The following DCT variants were observed in gnomAD, a reference collection of about 807,000 sequenced individuals.
DCT encodes dopachrome tautomerase.
DCT carries 47 observed loss-of-function variants against 53.0 expected under a neutral mutation model. That is an observed-to-expected ratio of 0.89 (90% CI 0.70 to 1.13). The LOEUF is 1.13. Among genes scored for constraint, DCT ranks in the 50% most tolerant of loss-of-function variants. The pLI, the probability that DCT is intolerant of heterozygous loss-of-function variation, is 0.00. For synonymous variants in DCT, 244 were observed against 237.0 expected, an observed-to-expected ratio of 1.03 and a Z score of -0.27; for missense variants, 669 against 637.4, an observed-to-expected ratio of 1.05 and a Z score of -0.53.
At chr13:94,528,298 G>C in the DCT span, among the ~76,000 whole-genome samples, 1 of 152,066 alleles carries the variant, frequency 6.6e-6, no homozygotes, top group African/African-American at 2.4e-5. Flanking sequence ...ACACCACAAA[G>C]ATACTCCCTG....
At chr13:94,471,812 A>C (rs767911502) in intron 1 of DCT, among the ~76,000 whole-genome samples, 5 of 152,192 alleles carry the variant, frequency 3.3e-5, no homozygotes, top group Non-Finnish European at 7.4e-5. Context: ...GCAGTAGAAG[A>C]GTAATTCCTT....
the DCT span, among the ~76,000 whole-genome samples, chr13:94,542,311 C>T: frequency 6.6e-6 from 1 of 152,166 alleles, no homozygotes; most frequent in Admixed American, 6.5e-5. Context: ...ACTTCAGCCT[C>T]CCAAGTAGCT....
rs529750580 is a variant in DCT at position 94,439,847 on chromosome 13, G to A, written c.*51C>T. ...GAGGATTAGTTCCTTTATTGTCAGC[G>A]TCAGAACTGTGGCTTGGCCAGCCTC... On this transcript the variant is annotated 3_prime_UTR_variant, in exon 8 of 8. Transcript: ENST00000377028. The A allele has an allele frequency of 6.9e-5, 98 of 1,413,354 alleles. No homozygotes were observed. Among genetic ancestry groups the A allele is most frequent in the East Asian group, 3.9e-4 (17 of 43,598 alleles). The allele number at this position is 1,413,354 out of a possible 1,614,324, so 87.6% of individuals were successfully genotyped here.
chr13:94,439,394 A>C lies in DCT; in HGVS notation c.*504T>G, dbSNP rs1254239085. 2.0e-5 allele frequency: 3 copies of C among 152,324 alleles called. No homozygotes were observed. The highest frequency in any genetic ancestry group is 7.2e-5 in the African/African-American group (3 of 41,444). The allele number at this position is 152,324 out of a possible 1,614,324, so 9.4% of individuals were successfully genotyped here. On this transcript the variant is annotated 3_prime_UTR_variant, in exon 8 of 8. Transcript: ENST00000377028. ...TAATCAGGAGGGTGCCTAGAAGCAG[A>C]GATGTTTATAGCTAAAAGGGATCTT...
At chr13:94,469,360 T>C (rs1360800955) in intron 1 of DCT, among the ~76,000 whole-genome samples, 1 of 152,208 alleles carries the variant, frequency 6.6e-6, no homozygotes, top group Non-Finnish European at 1.5e-5. Context: ...TTGGAGATAG[T>C]GTCTTTAAAG....
chr13:94,442,117 A>G (rs974289539), intron 7 of DCT, among the ~76,000 whole-genome samples: 3 of 152,018 alleles, frequency 2.0e-5, no homozygotes, highest in African/African-American at 7.3e-5. Flanking sequence ...TCTTTCATAA[A>G]TTTGAACTTA....
At chr13:94,501,263 C>T in the DCT span, among the ~76,000 whole-genome samples, 4 of 151,442 alleles carry the variant, frequency 2.6e-5, no homozygotes, top group South Asian at 2.1e-4. Context: ...AGCAAGACTC[C>T]GTCTCAAATA....
chr13:94,471,758 G>T (rs1055558874), intron 1 of DCT, among the ~76,000 whole-genome samples: 4 of 152,212 alleles, frequency 2.6e-5, no homozygotes, highest in Admixed American at 2.0e-4. Context: ...ATTTCCAGCT[G>T]CCTATCTATA....
the DCT span, among the ~76,000 whole-genome samples, chr13:94,547,773 T>G: frequency 6.6e-6 from 1 of 151,588 alleles, no homozygotes; most frequent in Admixed American, 6.6e-5. Flanking sequence ...GTGGATTACT[T>G]GAGGTCAGAA....
In DCT at chr13:94,458,107, T is replaced by C. The variant is rs372400279; in HGVS notation, c.1179+1984A>G. Among the ~76,000 whole-genome samples the C allele has an allele frequency of 1.6e-4, 24 of 152,238 alleles. No individual in the cohort carries two copies. The East Asian group carries it at 4.6e-3, about 29-fold the overall frequency. The stretch of plus-strand genomic sequence containing the variant: ...GTGACACCCCCTTTCCCGGCTAATA[T>C]GAGCATCTGCTGCTGTTTTACCAAT... On this transcript the variant is annotated intron_variant, in intron 6 of 7. Coordinates refer to ENST00000377028, the MANE Select transcript of DCT (RefSeq NM_001922.5).
chr13:94,511,668 T>C, the DCT span, among the ~76,000 whole-genome samples: 1 of 151,942 alleles, frequency 6.6e-6, no homozygotes, highest in Non-Finnish European at 1.5e-5. Context: ...CCTCATAACT[T>C]TCATCATTCA....
the DCT span, among the ~76,000 whole-genome samples, chr13:94,494,815 TATG>T: frequency 6.6e-5 from 10 of 152,242 alleles, no homozygotes; most frequent in African/African-American, 1.4e-4. Context: ...GAAACAAAAT[TATG>T]ATATTACATT....
the DCT span, among the ~76,000 whole-genome samples, chr13:94,505,378 C>T: frequency 6.6e-6 from 1 of 152,162 alleles, no homozygotes; most frequent in African/African-American, 2.4e-5. Flanking sequence ...ACACCATAGT[C>T]CTACTGCCAA....
At chr13:94,486,686 G>A in the DCT span, among the ~76,000 whole-genome samples, 8 of 152,148 alleles carry the variant, frequency 5.3e-5, no homozygotes, top group African/African-American at 1.9e-4. Context: ...CAGGACTGTT[G>A]GACCATGTGA....
At chr13:94,496,619 G>A in the DCT span, among the ~76,000 whole-genome samples, 1 of 152,152 alleles carries the variant, frequency 6.6e-6, no homozygotes, top group Non-Finnish European at 1.5e-5. Context: ...GATATGCTAA[G>A]GCACAGAAAA....
At chr13:94,445,885 G>A (rs1317626821) in intron 6 of DCT, 8 of 643,334 alleles carry the variant, frequency 1.2e-5, no homozygotes, top group African/African-American at 9.3e-5. Context: ...GAGAAACTGT[G>A]GGGGGGCGGG....
intron 6 of DCT, among the ~76,000 whole-genome samples, chr13:94,456,010 G>T (rs949098134): frequency 1.1e-4 from 16 of 152,324 alleles, no homozygotes; most frequent in Non-Finnish European, 2.1e-4. Context: ...CACCAGAAAT[G>T]CTTGGCATAA....
intron 1 of DCT, among the ~76,000 whole-genome samples, chr13:94,469,278 C>T (rs1053606342): frequency 6.6e-6 from 1 of 152,158 alleles, no homozygotes; most frequent in African/African-American, 2.4e-5. Context: ...ACATGAAATA[C>T]ACTGTATACT....
chr13:94,524,372 A>G, the DCT span, among the ~76,000 whole-genome samples: 1 of 152,242 alleles, frequency 6.6e-6, no homozygotes, highest in Non-Finnish European at 1.5e-5. Flanking sequence ...TCATGTGGCT[A>G]CATGGCATCC....
Sources: allele counts gnomAD v4.1 joint callset (sites outside exome capture counted in the v4.1 genomes callset), GRCh38; gene constraint gnomAD v4.1.1; transcripts MANE v1.5; gene names NCBI Gene and HGNC (gene_info 2026-07-23, HGNC 2026-07-21).